The following CDYL2 variants were observed in gnomAD, a reference collection of about 807,000 sequenced individuals.
CDYL2 encodes the protein chromodomain Y-like protein 2.
A neutral mutation model predicts 49.4 loss-of-function variants in CDYL2; 23 were observed. The ratio of observed to expected loss-of-function variants is 0.47; its 90% CI spans 0.34 to 0.66. CDYL2 has a LOEUF of 0.66. Ranked by LOEUF, CDYL2 falls within the 30% of genes least tolerant of loss-of-function variation. The probability of loss-of-function intolerance (pLI) is 0.01; values close to 1 mark genes in which losing one functional copy is unlikely to be tolerated. For synonymous variants in CDYL2, 360 were observed against 268.8 expected (o/e 1.34, Z -3.32); for missense variants, 678 against 656.4 (o/e 1.03, Z -0.36).
At chr16:80,664,392 G>T (rs533316454) in intron 2 of CDYL2, among the ~76,000 whole-genome samples, 1 of 152,100 alleles carries the variant, frequency 6.6e-6, no homozygotes, top group Non-Finnish European at 1.5e-5. Flanking sequence ...CCCAAGCGCC[G>T]GGAACAGCCC....
chr16:80,736,149 G>A (rs1189806930), intron 1 of CDYL2, among the ~76,000 whole-genome samples: 2 of 152,214 alleles, frequency 1.3e-5, no homozygotes, highest in East Asian at 1.9e-4. Context: ...CCTCCATCTC[G>A]TGGGTTGTTC....
intron 1 of CDYL2, among the ~76,000 whole-genome samples, chr16:80,744,177 G>T (rs543495666): frequency 1.3e-5 from 2 of 152,334 alleles, no homozygotes; most frequent in African/African-American, 4.8e-5. Context: ...GATCAGATCA[G>T]TGTGATTCTA....
intron 1 of CDYL2, among the ~76,000 whole-genome samples, chr16:80,712,095 A>ATGTGTG (rs1904624591): frequency 2.1e-5 from 3 of 145,484 alleles, no homozygotes; most frequent in Admixed American, 6.8e-5. Flanking sequence ...GTGTGTATAT[A>ATGTGTG]TATGTGTATA....
intron 2 of CDYL2, among the ~76,000 whole-genome samples, chr16:80,672,400 A>G (rs1027113667): frequency 6.7e-6 from 1 of 150,142 alleles, no homozygotes; most frequent in Non-Finnish European, 1.5e-5. Context: ...TTTGTGTGTG[A>G]TTAAGATCTA....
At chr16:80,640,587 T>C (rs972151321) in intron 2 of CDYL2, among the ~76,000 whole-genome samples, 3 of 151,968 alleles carry the variant, frequency 2.0e-5, no homozygotes, top group Non-Finnish European at 4.4e-5. Context: ...CAGGAAAACA[T>C]GACCTCACCA....
chr16:80,698,462 T>A (rs749181530), intron 1 of CDYL2, among the ~76,000 whole-genome samples: 3 of 152,136 alleles, frequency 2.0e-5, no homozygotes. Flanking sequence ...AAGACATTTC[T>A]CAAAAGACAA....
chr16:80,683,400 G>A (rs2142472921), intron 2 of CDYL2, among the ~76,000 whole-genome samples: 1 of 152,360 alleles, frequency 6.6e-6, no homozygotes, highest in East Asian at 1.9e-4. Flanking sequence ...CTCAGGTAAG[G>A]GGCAATGTGA....
intron 1 of CDYL2, among the ~76,000 whole-genome samples, chr16:80,716,894 G>C (rs763751391): frequency 1.3e-5 from 2 of 152,020 alleles, no homozygotes; most frequent in Non-Finnish European, 2.9e-5. Flanking sequence ...TGGATGGATG[G>C]ATGGATGGAT....
At chr16:80,704,825 G>C (rs1275711147) in intron 1 of CDYL2, among the ~76,000 whole-genome samples, 1 of 152,206 alleles carries the variant, frequency 6.6e-6, no homozygotes, top group Non-Finnish European at 1.5e-5. Context: ...GGCATGTTGA[G>C]AGATGAGAGT....
intron 1 of CDYL2, among the ~76,000 whole-genome samples, chr16:80,761,589 A>G (rs1906531855): frequency 6.6e-6 from 1 of 152,094 alleles, no homozygotes; most frequent in Admixed American, 6.5e-5. Context: ...CCTTTTCAAC[A>G]CATCATCCTT....
At chr16:80,749,260 G>T (rs374616143) in intron 1 of CDYL2, among the ~76,000 whole-genome samples, 1 of 152,038 alleles carries the variant, frequency 6.6e-6, no homozygotes, top group Non-Finnish European at 1.5e-5. Context: ...CTTATTTAGG[G>T]CAGTTAATCA....
intron 1 of CDYL2, among the ~76,000 whole-genome samples, chr16:80,686,242 C>T (rs1375065168): frequency 1.3e-5 from 2 of 152,156 alleles, no homozygotes; most frequent in South Asian, 2.1e-4. Flanking sequence ...AAATGCCAGT[C>T]TCGATGCTAA....
intron 1 of CDYL2, among the ~76,000 whole-genome samples, chr16:80,793,731 T>C (rs373164093): frequency 1.3e-5 from 2 of 152,226 alleles, no homozygotes; most frequent in Non-Finnish European, 2.9e-5. Context: ...CCAGGATCCC[T>C]AACACATAAA....
chr16:80,617,174 G>C (rs1906869235), intron 4 of CDYL2, among the ~76,000 whole-genome samples: 1 of 152,218 alleles, frequency 6.6e-6, no homozygotes, highest in Non-Finnish European at 1.5e-5. Context: ...AACATTTGCA[G>C]AGTGATGCGT....
At chr16:80,658,225 T>C (rs965292864) in intron 2 of CDYL2, among the ~76,000 whole-genome samples, 1 of 152,126 alleles carries the variant, frequency 6.6e-6, no homozygotes, top group Non-Finnish European at 1.5e-5. Flanking sequence ...TCTTTGAGGA[T>C]ATCTTTTTGT....
intron 3 of CDYL2, among the ~76,000 whole-genome samples, chr16:80,626,539 A>G (rs1597132290): frequency 6.6e-6 from 1 of 152,190 alleles, no homozygotes; most frequent in East Asian, 1.9e-4. Context: ...ATAACTTCTT[A>G]AAAATACATG....
intron 2 of CDYL2, among the ~76,000 whole-genome samples, chr16:80,659,591 T>C (rs1014847002): frequency 6.6e-6 from 1 of 152,022 alleles, no homozygotes; most frequent in Non-Finnish European, 1.5e-5. Context: ...ATATAGTTTA[T>C]ATAATGTGTA....
In CDYL2 at chr16:80,617,455, G is replaced by A. The variant is rs562684738; in HGVS notation, c.1007+3308C>T. ...CACAGGAGCAGGCACAGAACTTGCAGTATGAATCAAGCTCCTTTCAATGAC... is the reference window on the plus strand; with the variant it reads ...CACAGGAGCAGGCACAGAACTTGCAATATGAATCAAGCTCCTTTCAATGAC... On this transcript the variant is annotated intron_variant, in intron 4 of 6. Transcript: ENST00000570137. 2.1e-3 allele frequency among the ~76,000 whole-genome samples: 326 copies of A among 152,374 alleles called. 1 individual carries two copies. The highest frequency in any genetic ancestry group is 3.5e-3 in the Non-Finnish European group (239 of 68,040).
intron 2 of CDYL2, among the ~76,000 whole-genome samples, chr16:80,675,489 A>G (rs980290220): frequency 1.3e-5 from 2 of 152,190 alleles, no homozygotes; most frequent in African/African-American, 4.8e-5. Context: ...TATTGCTACC[A>G]TCACCACCAC....
Sources: gnomAD v4.1 joint callset for allele counts (sites outside exome capture counted in the v4.1 genomes callset) on GRCh38, gnomAD v4.1.1 for gene constraint, MANE v1.5 for transcripts, NCBI Gene and HGNC (gene_info 2026-07-23, HGNC 2026-07-21) for gene names.